Variants in ERICH3 observed in about 807,000 individuals in gnomAD.
ERICH3 encodes glutamate rich 3.
A neutral mutation model predicts 131.1 loss-of-function variants in ERICH3; 126 were observed. That is an observed-to-expected ratio of 0.96 (90% CI 0.83 to 1.11). ERICH3 has a LOEUF of 1.11. ERICH3 is among the 50% of genes most tolerant of loss of function. ERICH3 has a pLI of 0.00. For missense variants in ERICH3, 2,050 were observed against 1,810.7 expected (o/e 1.13, Z -2.40); for synonymous variants, 695 against 644.6 (o/e 1.08, Z -1.18).
At chr1:74,615,352 TA>T (rs3214831) in intron 8 of ERICH3, 7,922 of 152,188 alleles carry the variant, frequency 0.052, 252 homozygotes, top group South Asian at 0.13. Context: ...TTTTCACCCA[TA>T]AAACAGAGAT....
Position 74,572,304 on chromosome 1 carries a change from C to T in ERICH3, c.3406G>A (p.Glu1136Lys). The change falls in exon 14 of 15, where the codon GAG becomes AAG. Residue 1136 changes from glutamate to lysine, a missense_variant. Physicochemically the swap from Glu to Lys is moderately conservative, Grantham distance 56. Coordinates refer to ENST00000326665, the MANE Select transcript of ERICH3 (RefSeq NM_001002912.5). ...AGAAGCCCTGGATTGTCAGACAACTCAGAAGCCTCCACAGGTGCTTCGTTC... is the reference window on the plus strand; with the variant it reads ...AGAAGCCCTGGATTGTCAGACAACTTAGAAGCCTCCACAGGTGCTTCGTTC... The part of the protein sequence containing the change: ...AENEAPVEAS[E>K]LSDNPGLLGE... The T allele has an allele frequency of 6.2e-7, 1 of 1,614,054 alleles. No individual in the cohort carries two copies. The highest frequency in any genetic ancestry group is 1.1e-5 in the South Asian group (1 of 91,088).
At chr1:74,646,948 G>A (rs1394949959) in intron 2 of ERICH3, among the ~76,000 whole-genome samples, 156 bp from the exon 3 acceptor site, 1 of 149,064 alleles carries the variant, frequency 6.7e-6, no homozygotes, top group African/African-American at 2.5e-5. Context: ...AGGCATTGGG[G>A]AGGCAGGGAG....
In ERICH3 at chr1:74,658,940, C is replaced by T. The variant is rs183306851; in HGVS notation, c.24-9625G>A. ...ATGATAATGCAAGTAAAGAGCTTAG[C>T]GCAGTGCATGACACTCTTAGTTGCT... is the stretch of plus-strand genomic sequence containing the variant. On this transcript the variant is annotated intron_variant, in intron 1 of 14. Transcript: ENST00000326665. Among the ~76,000 whole-genome samples the T allele has an allele frequency of 6.8e-4, 103 of 152,294 alleles. 1 individual carries two copies. Among genetic ancestry groups the T allele is most frequent in the African/African-American group, 2.4e-3 (99 of 41,574 alleles).
intron 7 of ERICH3, chr1:74,624,186 A>C (rs539200772): frequency 6.6e-6 from 1 of 152,218 alleles, no homozygotes; most frequent in Non-Finnish European, 1.5e-5. Context: ...AGCTTGCTAC[A>C]TTTATAGAAA....
rs181592308 is a variant in ERICH3 at position 74,576,060 on chromosome 1, C to T, written c.2218+835G>A. Among the ~76,000 whole-genome samples, 482 of 152,226 alleles carry T rather than the reference C, an allele frequency of 3.2e-3. 3 individuals carry two copies. Among genetic ancestry groups the T allele is most frequent in the African/African-American group, 9.3e-3 (387 of 41,550 alleles). On this transcript the variant is annotated intron_variant, in intron 13 of 14. Transcript: ENST00000326665. ...AAGTCAGACTAACCTGGGTAAAAAA[C>T]GCCAGCTCTGCCATTTACTAATTGT...
At chr1:74,656,554 A>T (rs1646586562) in intron 1 of ERICH3, among the ~76,000 whole-genome samples, 1 of 152,182 alleles carries the variant, frequency 6.6e-6, no homozygotes. Flanking sequence ...ACCCTCAATA[A>T]TTCAATCTTC....
chr1:74,634,242 T>G (rs1646367653), intron 6 of ERICH3, among the ~76,000 whole-genome samples: 1 of 152,142 alleles, frequency 6.6e-6, no homozygotes, highest in African/African-American at 2.4e-5. Context: ...ACTTTGTCTG[T>G]GAACATTACA....
At chr1:74,613,402 A>G (rs74093465) in intron 8 of ERICH3, among the ~76,000 whole-genome samples, 2,058 of 152,300 alleles carry the variant, frequency 0.014, 52 homozygotes, top group African/African-American at 0.047. Flanking sequence ...TTTACTCAAG[A>G]TCATACAGTG....
At chr1:74,639,780 C>T (rs971519350) in intron 5 of ERICH3, among the ~76,000 whole-genome samples, 1 of 152,000 alleles carries the variant, frequency 6.6e-6, no homozygotes, top group African/African-American at 2.4e-5. Context: ...TGGATGCTTT[C>T]CTTATTCACT....
intron 11 of ERICH3, among the ~76,000 whole-genome samples, chr1:74,593,315 C>T (rs1178494376): frequency 6.6e-6 from 1 of 152,062 alleles, no homozygotes; most frequent in Non-Finnish European, 1.5e-5. Flanking sequence ...TCTTGTTTGA[C>T]ACAGCATGAG....
At chr1:74,590,391 T>A (rs1164815940) in intron 11 of ERICH3, among the ~76,000 whole-genome samples, 1 of 152,188 alleles carries the variant, frequency 6.6e-6, no homozygotes, top group South Asian at 2.1e-4. Context: ...GAAGTAATTA[T>A]ACAACTGACA....
At chr1:74,614,803 A>C (rs140952932) in intron 8 of ERICH3, among the ~76,000 whole-genome samples, 153 of 152,336 alleles carry the variant, frequency 1.0e-3, no homozygotes, top group African/African-American at 3.4e-3. Flanking sequence ...GAGAGAGCTG[A>C]AAAAGGTTAG....
chr1:74,637,358 T>C (rs952989678), intron 5 of ERICH3, among the ~76,000 whole-genome samples: 2 of 152,104 alleles, frequency 1.3e-5, no homozygotes, highest in African/African-American at 4.8e-5. Flanking sequence ...GTTCCCCCAT[T>C]AGGCCTGGGT....
At chr1:74,643,757 G>A (rs976172364) in intron 3 of ERICH3, among the ~76,000 whole-genome samples, 2 of 152,010 alleles carry the variant, frequency 1.3e-5, no homozygotes, top group Non-Finnish European at 2.9e-5. Context: ...ATGAACTTGC[G>A]CCAGGTCATA....
chr1:74,625,409 C>CT (rs1649379882), intron 7 of ERICH3: 1 of 152,048 alleles, frequency 6.6e-6, no homozygotes, highest in African/African-American at 2.4e-5. Context: ...CCCCTTTCTG[C>CT]TTTTCAATCT....
intron 11 of ERICH3, among the ~76,000 whole-genome samples, chr1:74,595,029 C>A (rs1647782581): frequency 6.6e-6 from 1 of 152,074 alleles, no homozygotes; most frequent in Non-Finnish European, 1.5e-5. Context: ...CTTTTCAATT[C>A]TAATACCATC....
chr1:74,613,963 A>G (rs1374419939), intron 8 of ERICH3, among the ~76,000 whole-genome samples: 1 of 152,164 alleles, frequency 6.6e-6, no homozygotes, highest in Non-Finnish European at 1.5e-5. Context: ...CGCATTTCCT[A>G]TTGTTGCATT....
At chr1:74,578,280 A>AATGATG (rs3036371) in intron 12 of ERICH3, 24 of 177,506 alleles carry the variant, frequency 1.4e-4, no homozygotes, top group East Asian at 3.3e-4. Flanking sequence ...TAATAACAGC[A>AATGATG]ATGATGATGA....
chr1:74,651,999 C>A (rs1017320960), intron 1 of ERICH3, among the ~76,000 whole-genome samples: 4 of 152,124 alleles, frequency 2.6e-5, no homozygotes, highest in Admixed American at 1.3e-4. Flanking sequence ...GGGTTGAAAC[C>A]TTTTTACACA....
Sources: gnomAD v4.1 joint callset for allele counts (sites outside exome capture counted in the v4.1 genomes callset) on GRCh38, gnomAD v4.1.1 for gene constraint, MANE v1.5 for transcripts, NCBI Gene and HGNC (gene_info 2026-07-23, HGNC 2026-07-21) for gene names.